The following GJB7 variants were observed in gnomAD, a reference collection of about 807,000 sequenced individuals.
The protein encoded by GJB7 is gap junction protein beta 7.
For missense variants in GJB7, 253 were observed against 256.8 expected, an observed-to-expected ratio of 0.99 and a Z score of 0.10; for synonymous variants, 87 against 95.2, an observed-to-expected ratio of 0.91 and a Z score of 0.50.
At chr6:87,318,557 C>T (rs1287022148) in intron 2 of GJB7, among the ~76,000 whole-genome samples, 1 of 152,136 alleles carries the variant, frequency 6.6e-6, no homozygotes, top group African/African-American at 2.4e-5. Flanking sequence ...TTTTCATCTC[C>T]AGCAGGCTAG....
At chr6:87,302,715 A>G (rs1776353042) in intron 2 of GJB7, among the ~76,000 whole-genome samples, 1 of 151,714 alleles carries the variant, frequency 6.6e-6, no homozygotes, top group South Asian at 2.1e-4. Context: ...CAACTCCAAG[A>G]CACATAATTG....
chr6:87,303,405 C>A (rs1010743625), intron 2 of GJB7, among the ~76,000 whole-genome samples: 1 of 152,020 alleles, frequency 6.6e-6, no homozygotes, highest in Non-Finnish European at 1.5e-5. Flanking sequence ...GACTTTAAAC[C>A]AACAAAGATC....
intron 1 of GJB7, among the ~76,000 whole-genome samples, chr6:87,326,079 G>A (rs1464321903): frequency 1.3e-5 from 2 of 152,170 alleles, no homozygotes; most frequent in Admixed American, 6.5e-5. Flanking sequence ...ATTCTCTGAT[G>A]GTAGTTTGTA....
chr6:87,316,583 T>C (rs1226693917), intron 2 of GJB7, among the ~76,000 whole-genome samples: 2 of 152,232 alleles, frequency 1.3e-5, no homozygotes, highest in Non-Finnish European at 2.9e-5. Flanking sequence ...CAACAGCTTG[T>C]AGGGGAGCTT....
At chr6:87,307,560 G>T (rs1182091339) in intron 2 of GJB7, among the ~76,000 whole-genome samples, 11 of 152,116 alleles carry the variant, frequency 7.2e-5, no homozygotes, top group Admixed American at 1.3e-4. Flanking sequence ...CAAAAAGTGG[G>T]CAAAAGATAT....
At chr6:87,325,483 T>C (rs920217970) in intron 1 of GJB7, among the ~76,000 whole-genome samples, 23 of 95,578 alleles carry the variant, frequency 2.4e-4, no homozygotes, top group Non-Finnish European at 5.0e-4. Context: ...TGAAGGGTTA[T>C]TGAATTTTGT....
intron 2 of GJB7, among the ~76,000 whole-genome samples, chr6:87,301,864 TG>T (rs1776333734): frequency 6.6e-6 from 1 of 152,232 alleles, no homozygotes; most frequent in Admixed American, 6.5e-5. Flanking sequence ...CAACATTTGC[TG>T]TTCAGCAATA....
chr6:87,329,194 T>A lies in GJB7; in HGVS notation c.-262A>T, dbSNP rs1776929923. ...ATGAACCCGGTACCTCGACTGGAAA[T>A]GCAGAAATCACCCATCTTCTGCGTT... is the stretch of plus-strand genomic sequence containing the variant. On this transcript the variant is annotated 5_prime_UTR_variant, in exon 1 of 3. Transcript: ENST00000525899. The A allele has an allele frequency of 6.4e-6, 1 of 155,340 alleles. No individual in the cohort carries two copies. Among genetic ancestry groups the A allele is most frequent in the African/African-American group, 2.4e-5 (1 of 41,476 alleles). 9.6% of individuals were successfully genotyped at this position (155,340 alleles called of 1,614,324 possible).
At chr6:87,299,847 A>C (rs962008899) in intron 2 of GJB7, 3 of 201,532 alleles carry the variant, frequency 1.5e-5, no homozygotes, top group Non-Finnish European at 2.1e-5. Flanking sequence ...TTTCCTTTTA[A>C]GGCTCAAATT....
intron 2 of GJB7, among the ~76,000 whole-genome samples, chr6:87,295,627 T>C (rs1269368542): frequency 6.6e-6 from 1 of 152,140 alleles, no homozygotes; most frequent in Non-Finnish European, 1.5e-5. Context: ...TTTTCAACCT[T>C]TTTCAAATGA....
rs533645614 is a variant in GJB7 at position 87,309,011 on chromosome 6, A to G, written c.-28+13855T>C. On this transcript the variant is annotated intron_variant, in intron 2 of 2. Transcript: ENST00000525899. ...AGATATTATGAATCATCTGTAATGA[A>G]TACTGGAAGTGTCCCTCTGGCTGGG... 3.9e-5 allele frequency among the ~76,000 whole-genome samples: 6 copies of G among 152,324 alleles called. No individual in the cohort carries two copies. The South Asian group carries it at 6.2e-4, about 16-fold the overall frequency.
chr6:87,293,198 A>AT (rs1202463357), intron 2 of GJB7, among the ~76,000 whole-genome samples: 2 of 151,912 alleles, frequency 1.3e-5, no homozygotes, highest in Non-Finnish European at 2.9e-5. Context: ...CGCCCAGCTA[A>AT]TTTTTTTATT....
At chr6:87,321,851 G>GA (rs1776669628) in intron 2 of GJB7, among the ~76,000 whole-genome samples, 1 of 152,246 alleles carries the variant, frequency 6.6e-6, no homozygotes, top group Non-Finnish European at 1.5e-5. Context: ...GAGAGAGAGA[G>GA]AAAGAGAGAG....
At chr6:87,317,459 C>T (rs1776599824) in intron 2 of GJB7, among the ~76,000 whole-genome samples, 1 of 141,950 alleles carries the variant, frequency 7.0e-6, no homozygotes, top group Non-Finnish European at 1.5e-5. Flanking sequence ...GACGGAGTTT[C>T]GCTCTTGTTG....
chr6:87,312,715 G>A lies in GJB7; in HGVS notation c.-28+10151C>T, dbSNP rs1296739812. Among the ~76,000 whole-genome samples, 6 of 152,194 alleles carry A rather than the reference G, an allele frequency of 3.9e-5. No individual in the cohort carries two copies. In the South Asian group the frequency reaches 8.3e-4, roughly 21 times the overall value. ...ACCCAGTTTCCGTTATTACATACCTGCTGCCACTTTGCCTTATTTTATCAG... is the reference window on the plus strand; with the variant it reads ...ACCCAGTTTCCGTTATTACATACCTACTGCCACTTTGCCTTATTTTATCAG... On this transcript the variant is annotated intron_variant, in intron 2 of 2. Transcript: ENST00000525899.
chr6:87,297,014 G>A (rs1206584814), intron 2 of GJB7, among the ~76,000 whole-genome samples: 2 of 152,190 alleles, frequency 1.3e-5, no homozygotes, highest in African/African-American at 2.4e-5. Context: ...TGTTCTCATA[G>A]TAACATGTTT....
chr6:87,286,127 T>C (rs1019782376), intron 2 of GJB7, among the ~76,000 whole-genome samples: 3 of 152,108 alleles, frequency 2.0e-5, no homozygotes, highest in Non-Finnish European at 4.4e-5. Context: ...CCCTAGAAAA[T>C]CTCACTCATC....
chr6:87,328,286 T>G (rs143908604), intron 1 of GJB7, among the ~76,000 whole-genome samples: 8,795 of 136,296 alleles, frequency 0.065, 360 homozygotes, highest in African/African-American at 0.12. Context: ...TTTGTTCCGT[T>G]GCTCGTGAGG....
At chr6:87,288,478 A>G (rs922888485) in intron 2 of GJB7, among the ~76,000 whole-genome samples, 2 of 152,198 alleles carry the variant, frequency 1.3e-5, no homozygotes, top group African/African-American at 2.4e-5. Context: ...ATATATGTCA[A>G]TGACTCCCAA....
Sources: allele counts gnomAD v4.1 joint callset (sites outside exome capture counted in the v4.1 genomes callset), GRCh38; gene constraint gnomAD v4.1.1; transcripts MANE v1.5; gene names NCBI Gene and HGNC (gene_info 2026-07-23, HGNC 2026-07-21).